The following MTHFD2L variants were observed in gnomAD, a reference collection of about 807,000 sequenced individuals.
MTHFD2L encodes bifunctional methylenetetrahydrofolate dehydrogenase/cyclohydrolase 2, mitochondrial.
In MTHFD2L, 29 loss-of-function variants were observed where a neutral mutation model predicts 34.9. The observed-to-expected ratio is 0.83, with a 90% CI of 0.62 to 1.13. MTHFD2L has a LOEUF of 1.13. MTHFD2L is among the 50% of genes most tolerant of loss of function. The pLI is 0.00. For missense variants in MTHFD2L, 481 were observed against 446.5 expected, an observed-to-expected ratio of 1.08 and a Z score of -0.70; for synonymous variants, 167 against 155.7, an observed-to-expected ratio of 1.07 and a Z score of -0.54.
chr4:74,265,289 T>C (rs1273442953), intron 6 of MTHFD2L, among the ~76,000 whole-genome samples: 2 of 152,164 alleles, frequency 1.3e-5, no homozygotes, highest in Non-Finnish European at 2.9e-5. Context: ...CTAATGTGGG[T>C]TTGTGTGATG....
chr4:74,188,958 T>A (rs915272891), intron 3 of MTHFD2L, among the ~76,000 whole-genome samples: 6 of 151,784 alleles, frequency 4.0e-5, no homozygotes, highest in African/African-American at 9.7e-5. Context: ...ACAATAAAAC[T>A]ATATAGTAAA....
At chr4:74,171,318 T>C (rs1202894932) in intron 1 of MTHFD2L, among the ~76,000 whole-genome samples, 1 of 152,160 alleles carries the variant, frequency 6.6e-6, no homozygotes, top group African/African-American at 2.4e-5. Flanking sequence ...TCCACTAAAA[T>C]GTCAACAGTT....
At chr4:74,268,942 G>T (rs1229186316) in intron 6 of MTHFD2L, among the ~76,000 whole-genome samples, 1 of 151,766 alleles carries the variant, frequency 6.6e-6, no homozygotes, top group African/African-American at 2.4e-5. Context: ...GTATTTTTTT[G>T]CCTAGGCAAC....
At chr4:74,260,380 G>T (rs1744530081) in intron 6 of MTHFD2L, among the ~76,000 whole-genome samples, 1 of 152,044 alleles carries the variant, frequency 6.6e-6, no homozygotes, top group African/African-American at 2.4e-5. Flanking sequence ...CCTACTTGAT[G>T]GTCTTGTCTC....
At chr4:74,174,715 T>C in intron 2 of MTHFD2L, 25 bp downstream of exon 2, 1 of 1,348,524 alleles carries the variant, frequency 7.4e-7, no homozygotes, top group Non-Finnish European at 9.7e-7. Flanking sequence ...TAGTTGTAAT[T>C]ACTACTAAAT....
At chr4:74,228,281 T>C (rs1053939630) in intron 6 of MTHFD2L, among the ~76,000 whole-genome samples, 5 of 152,174 alleles carry the variant, frequency 3.3e-5, no homozygotes, top group African/African-American at 1.2e-4. Flanking sequence ...ACTGACTTCT[T>C]TTTAGAGACA....
chr4:74,145,323 G>C (rs1201927098), intron 1 of MTHFD2L, among the ~76,000 whole-genome samples: 1 of 152,108 alleles, frequency 6.6e-6, no homozygotes, highest in African/African-American at 2.4e-5. Context: ...GATATTATAA[G>C]TAATCTAGAG....
chr4:74,164,778 A>T (rs1237956097), intron 1 of MTHFD2L, among the ~76,000 whole-genome samples: 1 of 152,240 alleles, frequency 6.6e-6, no homozygotes, highest in Non-Finnish European at 1.5e-5. Flanking sequence ...AGTAGTTTGT[A>T]CTACATAGTG....
intron 5 of MTHFD2L, among the ~76,000 whole-genome samples, chr4:74,215,539 A>G (rs1737062836): frequency 6.6e-6 from 1 of 151,568 alleles, no homozygotes; most frequent in Non-Finnish European, 1.5e-5. Flanking sequence ...CTGTCTAACC[A>G]GTCCCAATGA....
upstream of MTHFD2L, among the ~76,000 whole-genome samples, chr4:74,123,704 T>C (rs1721876432): frequency 2.0e-5 from 3 of 152,068 alleles, no homozygotes; most frequent in African/African-American, 7.2e-5. Flanking sequence ...TTTAGGGGAT[T>C]TTTATGGGCC....
chr4:74,294,312 A>G (rs1749362381), intron 7 of MTHFD2L, among the ~76,000 whole-genome samples: 1 of 151,870 alleles, frequency 6.6e-6, no homozygotes, highest in South Asian at 2.1e-4. Context: ...AATGTACTGA[A>G]GTAGAAATTT....
intron 3 of MTHFD2L, among the ~76,000 whole-genome samples, chr4:74,181,026 T>TTGTA (rs1730062945): frequency 6.6e-6 from 1 of 152,064 alleles, no homozygotes; most frequent in Non-Finnish European, 1.5e-5. Flanking sequence ...AGTAAAGTAA[T>TTGTA]TAGAAAAATA....
chr4:74,168,990 A>C (rs1450979712), intron 1 of MTHFD2L, among the ~76,000 whole-genome samples: 9 of 152,214 alleles, frequency 5.9e-5, no homozygotes, highest in Admixed American at 5.9e-4. Context: ...GACCTGCATT[A>C]ATTTGAGGTT....
At chr4:74,275,768 A>G (rs182592102) in intron 6 of MTHFD2L, among the ~76,000 whole-genome samples, 16 of 151,796 alleles carry the variant, frequency 1.1e-4, no homozygotes, top group African/African-American at 3.9e-4. Context: ...ACCTGTTCAT[A>G]TCCTTTGCCC....
At chr4:74,230,514 C>G (rs561942400) in intron 6 of MTHFD2L, among the ~76,000 whole-genome samples, 1 of 149,872 alleles carries the variant, frequency 6.7e-6, no homozygotes, top group Middle Eastern at 3.2e-3. Flanking sequence ...CACTTGAACC[C>G]GGGAGGCGGA....
At chr4:74,117,213 C>A (rs1721669511) in intron 2 of MTHFD2L, among the ~76,000 whole-genome samples, 1 of 152,158 alleles carries the variant, frequency 6.6e-6, no homozygotes, top group African/African-American at 2.4e-5. Flanking sequence ...GCATGCTGAG[C>A]TTAGAATGGA....
chr4:74,267,715 G>A (rs1745490295), intron 6 of MTHFD2L: 1 of 985,232 alleles, frequency 1.0e-6, no homozygotes, highest in South Asian at 4.7e-5. Context: ...GATTACAGGT[G>A]CCCTCAGAGA....
chr4:74,255,136 C>CAAAAAAAAAAAA (rs34300013), intron 6 of MTHFD2L, among the ~76,000 whole-genome samples: 2 of 69,184 alleles, frequency 2.9e-5, no homozygotes, highest in African/African-American at 6.3e-5. Context: ...ACTCCATCTC[C>CAAAAAAAAAAAA]AAAAAAAAAA....
At chr4:74,190,211 A>G (rs930829005) in intron 3 of MTHFD2L, among the ~76,000 whole-genome samples, 5 of 152,072 alleles carry the variant, frequency 3.3e-5, no homozygotes, top group African/African-American at 1.2e-4. Flanking sequence ...TATTTCAAGG[A>G]CAGTACTGTA....
Sources: gnomAD v4.1 joint callset for allele counts (sites outside exome capture counted in the v4.1 genomes callset) on GRCh38, gnomAD v4.1.1 for gene constraint, MANE v1.5 for transcripts, NCBI Gene and HGNC (gene_info 2026-07-23, HGNC 2026-07-21) for gene names.